KRT25: variants seen among roughly 807,000 people sequenced by gnomAD.
The protein encoded by KRT25 is keratin 25, also known as keratin, type I cytoskeletal 25.
KRT25 carries 37 observed loss-of-function variants against 47.6 expected under a neutral mutation model. The ratio of observed to expected loss-of-function variants is 0.78; its 90% CI spans 0.60 to 1.02. The LOEUF (loss-of-function observed/expected upper bound fraction) is 1.02. KRT25 is among the 50% of genes least tolerant of loss of function. The probability of loss-of-function intolerance (pLI) is 0.00; values close to 1 mark genes in which losing one functional copy is unlikely to be tolerated. For synonymous variants in KRT25, 203 were observed against 210.2 expected (o/e 0.97, Z 0.30); for missense variants, 542 against 550.3 (o/e 0.98, Z 0.15).
chr17:40,754,596 T>C, intron 1 of KRT25, 128 bp from the exon 2 acceptor site: 1 of 873,228 alleles, frequency 1.1e-6, no homozygotes, highest in Non-Finnish European at 1.8e-6. Context: ...CAGGCACCTG[T>C]AATCCCAGCT....
chr17:40,752,526 G>C lies in KRT25; in HGVS notation c.670-1200C>G, dbSNP rs540017156. Among the ~76,000 whole-genome samples the C allele has an allele frequency of 1.5e-4, 23 of 152,210 alleles. No homozygotes were observed. In the East Asian group the frequency reaches 3.9e-3, roughly 25 times the overall value. On this transcript the variant is annotated intron_variant, in intron 3 of 7. Transcript: ENST00000312150. The stretch of plus-strand genomic sequence containing the variant: ...TGAAACTATGTCTTCCTGATCTACA[G>C]ATGTGGCTTTTACTTCTGAGGATTT...
rs1597793883 is a variant in KRT25 at position 40,754,431 on chromosome 17, A to G, written c.467T>C (p.Leu156Pro). The G allele has an allele frequency of 6.2e-7, 1 of 1,614,130 alleles. No homozygotes were observed. The highest frequency in any genetic ancestry group is 2.2e-5 in the East Asian group (1 of 44,880). Residue 156 changes from leucine (L) to proline (P), a missense_variant, in exon 2 of 8, where the codon CTG becomes CCG. By Grantham distance (98) the Leu-to-Pro change is moderately conservative. Coordinates refer to ENST00000312150, the MANE Select transcript of KRT25 (RefSeq NM_181534.4). ...TGTAAGCCTGGCATTATCGATCTGC[A>G]GAACAGCATTAGCATTGCTGGTGGT... ...ASTTSNANAV[L>P]QIDNARLTAD...
At chr17:40,752,358 A>G (rs1400252463) in intron 3 of KRT25, among the ~76,000 whole-genome samples, 2 of 152,140 alleles carry the variant, frequency 1.3e-5, no homozygotes, top group East Asian at 1.9e-4. Context: ...AAGACTGTGT[A>G]TATTGGAATA....
In KRT25 at chr17:40,750,382, A is replaced by G; in HGVS notation, c.1173T>C (p.Asp391=). The G allele has an allele frequency of 6.8e-6, 11 of 1,613,822 alleles. No homozygotes were observed. Among genetic ancestry groups the G allele is most frequent in the Non-Finnish European group, 9.3e-6 (11 of 1,179,732 alleles). The change falls in exon 6 of 8, where the codon GAT becomes GAC. Residue 391 remains aspartate (D), a splice_region_variant and synonymous_variant. Transcript: ENST00000312150. ...TCTATGCAGATTATTTTACCTACCCATCATCTCCTCCTATAAGGAGACAGT... is the reference window on the plus strand; with the variant it reads ...TCTATGCAGATTATTTTACCTACCCGTCATCTCCTCCTATAAGGAGACAGT... The part of the protein sequence containing the change: ...ETYCLLIGGD[D]GACKSGGYKS...
At chr17:40,754,079 G>T in intron 2 of KRT25, 63 bp from the exon 3 acceptor site, 1 of 1,480,142 alleles carries the variant, frequency 6.8e-7, no homozygotes, top group Non-Finnish European at 9.4e-7. Context: ...ACTAGTCACT[G>T]ATCAATGACA....
Position 40,755,161 on chromosome 17 carries a change from G to A in KRT25, c.111C>T (p.Gly37=), listed in dbSNP as rs143538424. The change falls in exon 1 of 8, where the codon GGC becomes GGT. Residue 37 remains glycine, a synonymous_variant. Coordinates refer to ENST00000312150, the MANE Select transcript of KRT25 (RefSeq NM_181534.4). ...GTSFGTGNSC[G]ISGIGSGFSS... is the part of the protein sequence containing the mutation. ...AGAAGCCACTTCCAATCCCTGAAAT[G>A]CCACAAGAATTTCCAGTACCAAAGC... 16 of 1,614,076 alleles carry A rather than the reference G, an allele frequency of 9.9e-6. No homozygotes were observed. The African/African-American group carries it at 1.7e-4, about 18-fold the overall frequency.
Position 40,754,016 on chromosome 17 carries a change from C to T in KRT25, c.513G>A (p.Lys171=). The change falls in exon 3 of 8, where the codon AAG becomes AAA. Residue 171 remains lysine (K), a splice_region_variant and synonymous_variant. Coordinates refer to ENST00000312150, the MANE Select transcript of KRT25 (RefSeq NM_181534.4). ...ARLTADDFRL[K]YENELALHQS... ...GGTGAAGAGCCAGCTCATTTTCATA[C>T]CTTAAAGAGTGTTAATGATTTCCTA... is the stretch of plus-strand genomic sequence containing the variant. The T allele has an allele frequency of 6.2e-7, 1 of 1,613,836 alleles. No homozygotes were observed. Among genetic ancestry groups the T allele is most frequent in the Non-Finnish European group, 8.5e-7 (1 of 1,179,856 alleles).
At chr17:40,752,346 C>T (rs1488877204) in intron 3 of KRT25, among the ~76,000 whole-genome samples, 2 of 152,110 alleles carry the variant, frequency 1.3e-5, no homozygotes, top group African/African-American at 4.8e-5. Flanking sequence ...GGCATCGCTG[C>T]GAAGACTGTG....
rs1190931379 is a variant in KRT25, at chr17:40,748,296, T to A, written c.1334A>T (p.Glu445Val). The change falls in exon 8 of 8, where the codon GAG becomes GTG. Residue 445 changes from glutamate to valine, a missense_variant. Coordinates refer to ENST00000312150, the MANE Select transcript of KRT25 (RefSeq NM_181534.4). Reference sequence around the variant, plus strand: ...CTCAAATTAATTGCTTTGAGATTTCTCTTCCAGGGAGTGGAGCCTGGTGGT... The same window carrying A: ...CTCAAATTAATTGCTTTGAGATTTCACTTCCAGGGAGTGGAGCCTGGTGGT... Reference protein sequence around the residue: ...ILTTRLHSLEEKSQSN With the variant: ...ILTTRLHSLEVKSQSN 1.2e-6 allele frequency: 2 copies of A among 1,610,720 alleles called. No homozygotes were observed. The highest frequency in any genetic ancestry group is 4.5e-5 in the East Asian group (2 of 44,730).
intron 2 of KRT25, 102 bp from the exon 3 acceptor site, chr17:40,754,118 T>C: frequency 8.2e-7 from 1 of 1,214,356 alleles, no homozygotes. Context: ...TTTTGAAGAT[T>C]TGGCCACAAG....
Position 40,754,866 on chromosome 17 carries a change from T to C in KRT25, c.406A>G (p.Ile136Val). The C allele has an allele frequency of 1.2e-6, 2 of 1,612,794 alleles. No individual in the cohort carries two copies. Among genetic ancestry groups the C allele is most frequent in the Non-Finnish European group, 1.7e-6 (2 of 1,179,278 alleles). ...LDHDYSRYFP[I>V]IDDLKNQIIA... ...ACCTGATTTTTAAGGTCATCAATTATTGGGAAATATCTGCTATAGTCATGA... is the reference window on the plus strand; with the variant it reads ...ACCTGATTTTTAAGGTCATCAATTACTGGGAAATATCTGCTATAGTCATGA... Residue 136 changes from isoleucine (I) to valine (V), a missense_variant, in exon 1 of 8, where the codon ATA becomes GTA. Coordinates refer to ENST00000312150, the MANE Select transcript of KRT25 (RefSeq NM_181534.4).
intron 7 of KRT25, 37 bp from the exon 8 acceptor site, chr17:40,748,423 TA>T (rs34725103): frequency 2.3e-6 from 3 of 1,318,256 alleles, no homozygotes; most frequent in Non-Finnish European, 3.2e-6. Flanking sequence ...TTTATGTAGT[TA>T]AAAAAAGAAT....
chr17:40,755,366 A>C, upstream of KRT25: 1 of 1,152,358 alleles, frequency 8.7e-7, no homozygotes, highest in Admixed American at 2.5e-5. Context: ...TTTATAGGCA[A>C]GTCCCAAGTG....
Position 40,748,276 on chromosome 17 carries a change from A to T in KRT25, c.*1T>A. On this transcript the variant is annotated 3_prime_UTR_variant, in exon 8 of 8. Transcript: ENST00000312150. ...GCATACGTTCTCTGTTGCATCTCAA[A>T]TTAATTGCTTTGAGATTTCTCTTCC... is the stretch of plus-strand genomic sequence containing the variant. 2 of 1,602,426 alleles carry T rather than the reference A, an allele frequency of 1.2e-6. No homozygotes were observed. The highest frequency in any genetic ancestry group is 8.5e-7 in the Non-Finnish European group (1 of 1,171,714).
rs374573248 is a variant in KRT25, at chr17:40,755,268, A to T, written c.4T>A (p.Ser2Thr). Residue 2 changes from serine to threonine, a missense_variant, in exon 1 of 8, where the codon TCT becomes ACT. Ser to Thr is a moderately conservative substitution (Grantham distance 58, BLOSUM62 1). Coordinates refer to ENST00000312150, the MANE Select transcript of KRT25 (RefSeq NM_181534.4). The stretch of plus-strand genomic sequence containing the variant: ...CTGGATGCACTGGAAAGTCGAAGAG[A>T]CATGGTATCAGGGCAAACGCGTTGC... Reference protein sequence around the residue: MSLRLSSASRRS... With the variant: MTLRLSSASRRS... 6.2e-7 allele frequency: 1 copy of T among 1,612,626 alleles called. No individual in the cohort carries two copies. The highest frequency in any genetic ancestry group is 1.3e-5 in the African/African-American group (1 of 74,896).
rs763140081 is a variant in KRT25 at position 40,750,514 on chromosome 17, G to T, written c.1041C>A (p.Ala347=). 1 of 1,614,128 alleles carries T rather than the reference G, an allele frequency of 6.2e-7. No individual in the cohort carries two copies. The highest frequency in any genetic ancestry group is 1.1e-5 in the South Asian group (1 of 91,072). The change falls in exon 6 of 8, where the codon GCC becomes GCA. Residue 347 remains alanine (A), a synonymous_variant. Coordinates refer to ENST00000312150, the MANE Select transcript of KRT25 (RefSeq NM_181534.4). The part of the protein sequence containing the change: ...QLAQIQAQIG[A]LEEQLHQVRT... ...TGACCTGGTGCAGCTGCTCCTCCAGGGCCCCGATCTGAGCCTGGATCTGCG... is the reference window on the plus strand; with the variant it reads ...TGACCTGGTGCAGCTGCTCCTCCAGTGCCCCGATCTGAGCCTGGATCTGCG...
At chr17:40,748,636 T>C (rs2038017937) in intron 7 of KRT25, among the ~76,000 whole-genome samples, 1 of 152,210 alleles carries the variant, frequency 6.6e-6, no homozygotes, top group African/African-American at 2.4e-5. Flanking sequence ...TACAAATCTT[T>C]ATTGTATGTA....
In KRT25 at chr17:40,751,265, G is replaced by A. The variant is rs761417917; in HGVS notation, c.731C>T (p.Pro244Leu). 5 of 1,614,018 alleles carry A rather than the reference G, an allele frequency of 3.1e-6. No homozygotes were observed. The highest frequency in any genetic ancestry group is 4.2e-6 in the Non-Finnish European group (5 of 1,180,022). The change falls in exon 4 of 8, where the codon CCC becomes CTC. Residue 244 changes from proline (P) to leucine (L), a missense_variant. By Grantham distance (98) the Pro-to-Leu change is moderately conservative. Transcript: ENST00000312150. ...CAGCAGAACTGTGAGGTCCACCCCG[G>A]GGGCTGCGTTCATCTCCACGTTCAC... ...GNVNVEMNAA[P>L]GVDLTVLLNN... is the part of the protein sequence containing the mutation.
rs112242896 is a variant in KRT25, at chr17:40,753,523, C to T, written c.669+337G>A. On this transcript the variant is annotated intron_variant, in intron 3 of 7. Transcript: ENST00000312150. ...CATCCTGGCTTACACAGTGAAACCC[C>T]GTCTCTACTAAAAATACATAAAATT... Among the ~76,000 whole-genome samples, 39 of 151,184 alleles carry T rather than the reference C, an allele frequency of 2.6e-4. 1 individual carries two copies. Among genetic ancestry groups the T allele is most frequent in the African/African-American group, 8.2e-4 (34 of 41,254 alleles).
Sources: gnomAD v4.1 joint callset for allele counts (sites outside exome capture counted in the v4.1 genomes callset) on GRCh38, gnomAD v4.1.1 for gene constraint, MANE v1.5 for transcripts, NCBI Gene and HGNC (gene_info 2026-07-23, HGNC 2026-07-21) for gene names.